The following PTPRE variants were observed in gnomAD, a reference collection of about 807,000 sequenced individuals.
PTPRE encodes protein tyrosine phosphatase receptor type E.
Under a neutral mutation model 102.0 loss-of-function variants are expected in PTPRE, and 51 were observed. That is an observed-to-expected ratio of 0.50 (90% CI 0.40 to 0.63). PTPRE has a LOEUF of 0.63. PTPRE is among the 30% of genes least tolerant of loss of function. The pLI is 0.00. For missense variants in PTPRE, 752 were observed against 915.1 expected (o/e 0.82, Z 2.30); for synonymous variants, 345 against 348.2 (o/e 0.99, Z 0.10).
At chr10:127,985,331 C>T (rs1048147353) in intron 2 of PTPRE, among the ~76,000 whole-genome samples, 4 of 152,226 alleles carry the variant, frequency 2.6e-5, no homozygotes, top group African/African-American at 9.7e-5. Flanking sequence ...GCCTGTAATC[C>T]CAGAACTTTG....
At chr10:127,977,939 C>A (rs1851309123) in intron 1 of PTPRE, among the ~76,000 whole-genome samples, 1 of 152,166 alleles carries the variant, frequency 6.6e-6, no homozygotes, top group Non-Finnish European at 1.5e-5. Flanking sequence ...ACTCACCAGC[C>A]AAAGCTCCAG....
intron 11 of PTPRE, among the ~76,000 whole-genome samples, chr10:128,067,531 T>C (rs562651317): frequency 6.6e-6 from 1 of 151,452 alleles, no homozygotes; most frequent in East Asian, 2.0e-4. Flanking sequence ...CATGCACACA[T>C]ACACATGCAT....
At chr10:127,936,221 C>T (rs1349121402) in intron 1 of PTPRE, 1 of 152,218 alleles carries the variant, frequency 6.6e-6, no homozygotes, top group Non-Finnish European at 1.5e-5. Context: ...TTCTATCTTA[C>T]ACTTTAAAAA....
At chr10:127,959,819 C>A (rs11018421) in intron 1 of PTPRE, among the ~76,000 whole-genome samples, 1 of 152,226 alleles carries the variant, frequency 6.6e-6, no homozygotes, top group Non-Finnish European at 1.5e-5. Context: ...ATATGACCCA[C>A]CTTGCAGGCT....
intron 2 of PTPRE, among the ~76,000 whole-genome samples, chr10:127,990,734 G>T (rs1852560593): frequency 6.6e-6 from 1 of 152,192 alleles, no homozygotes; most frequent in Admixed American, 6.5e-5. Context: ...TGAGAAAGCA[G>T]CACTGGCCTA....
At chr10:128,065,912 A>G (rs1850044049) in intron 10 of PTPRE, among the ~76,000 whole-genome samples, 163 bp from the exon 11 acceptor site, 1 of 152,092 alleles carries the variant, frequency 6.6e-6, no homozygotes, top group Non-Finnish European at 1.5e-5. Context: ...ACGCAGCCTC[A>G]GTTTCCCCAT....
chr10:128,011,991 T>A (rs1348011184), intron 2 of PTPRE, among the ~76,000 whole-genome samples: 2 of 152,176 alleles, frequency 1.3e-5, no homozygotes, highest in African/African-American at 4.8e-5. Flanking sequence ...ATGCCCAGGG[T>A]GACAAGATAG....
chr10:127,921,618 A>G (rs796942709), intron 1 of PTPRE, among the ~76,000 whole-genome samples: 11 of 152,340 alleles, frequency 7.2e-5, no homozygotes, highest in African/African-American at 2.6e-4. Flanking sequence ...GCTGGGGGCC[A>G]GGAGAGGCTC....
intron 2 of PTPRE, among the ~76,000 whole-genome samples, chr10:127,985,067 T>C (rs1359220223): frequency 6.6e-6 from 1 of 152,174 alleles, no homozygotes; most frequent in East Asian, 1.9e-4. Context: ...CAGTTAGAAC[T>C]AAAAAGATAG....
At chr10:127,913,907 A>T (rs185864286) in intron 1 of PTPRE, among the ~76,000 whole-genome samples, 1 of 152,138 alleles carries the variant, frequency 6.6e-6, no homozygotes, top group Non-Finnish European at 1.5e-5. Flanking sequence ...GTCATGGGGT[A>T]AAGCTTTTTA....
chr10:127,960,620 A>G (rs1206195369), intron 1 of PTPRE, among the ~76,000 whole-genome samples: 3 of 152,210 alleles, frequency 2.0e-5, no homozygotes, highest in Admixed American at 1.3e-4. Flanking sequence ...AGTTGGTCTG[A>G]GTCATCTTGG....
chr10:128,047,556 T>C, intron 4 of PTPRE, 67 bp downstream of exon 4: 1 of 1,610,358 alleles, frequency 6.2e-7, no homozygotes, highest in Non-Finnish European at 8.5e-7. Flanking sequence ...CTTCTGATGC[T>C]GTGGGCGTGG....
At chr10:128,067,372 G>GCACACATT (rs1564956547) in intron 11 of PTPRE, among the ~76,000 whole-genome samples, 1 of 111,062 alleles carries the variant, frequency 9.0e-6, no homozygotes, top group African/African-American at 3.6e-5. Context: ...GTGCACACAT[G>GCACACATT]CACACATTCA....
At position 128,008,146 on chromosome 10, in the gene PTPRE, T is replaced by A. The variant is rs140088357; in HGVS notation, c.-8+25850T>A. Reference sequence around the variant, plus strand: ...TGCAGAGTCCCCTGCCCAGGGTACATGCCCCTGGGAAAACTGCCCAAGGGA... The same window carrying A: ...TGCAGAGTCCCCTGCCCAGGGTACAAGCCCCTGGGAAAACTGCCCAAGGGA... On this transcript the variant is annotated intron_variant, in intron 2 of 20. Transcript: ENST00000254667. This position sits in a 1 kb window ranked among gnomAD's most constrained non-coding sequence, Gnocchi z 4.0. Among the ~76,000 whole-genome samples the A allele has an allele frequency of 6.6e-6, 1 of 152,136 alleles. No homozygotes were observed. Among genetic ancestry groups the A allele is most frequent in the African/African-American group, 2.4e-5 (1 of 41,434 alleles).
chr10:128,067,264 A>G (rs993053454), intron 11 of PTPRE, among the ~76,000 whole-genome samples: 2 of 151,770 alleles, frequency 1.3e-5, no homozygotes, highest in Non-Finnish European at 2.9e-5. Context: ...GCACATGCAT[A>G]CATGTGCACA....
At chr10:128,045,729 A>G (rs941236624) in intron 3 of PTPRE, among the ~76,000 whole-genome samples, 2 of 152,334 alleles carry the variant, frequency 1.3e-5, no homozygotes, top group African/African-American at 4.8e-5. Context: ...AGGCCAGCTC[A>G]CTTCCCCAGG....
At chr10:127,991,784 G>A (rs1852687556) in intron 2 of PTPRE, among the ~76,000 whole-genome samples, 1 of 152,132 alleles carries the variant, frequency 6.6e-6, no homozygotes, top group African/African-American at 2.4e-5. Context: ...CCGTCCAGCA[G>A]GGATCTGGCA....
chr10:128,067,532 A>ACACATGCATACATGTGCACACACATG (rs1850364757), intron 11 of PTPRE, among the ~76,000 whole-genome samples: 1 of 151,374 alleles, frequency 6.6e-6, no homozygotes, highest in Non-Finnish European at 1.5e-5. Context: ...ATGCACACAT[A>ACACATGCATACATGTGCACACACATG]CACATGCATA....
rs781608841 is a variant in PTPRE, at chr10:128,047,441, C to T, written c.161C>T (p.Pro54Leu). 3.1e-6 allele frequency: 5 copies of T among 1,613,364 alleles called. No homozygotes were observed. The highest frequency in any genetic ancestry group is 1.1e-5 in the South Asian group (1 of 91,066). Residue 54 changes from proline to leucine, a missense_variant, in exon 4 of 21, where the codon CCG becomes CTG. By Grantham distance (98) the Pro-to-Leu change is moderately conservative. Coordinates refer to ENST00000254667, the MANE Select transcript of PTPRE (RefSeq NM_006504.6). ...SQPLLAWLLL[P>L]LLLLLLVLLL... ...CCGCTGCTGGCCTGGCTGCTACTGC[C>T]GCTGCTGCTCCTCCTCCTCGTGCTC...
Sources: gnomAD v4.1 joint callset for allele counts (sites outside exome capture counted in the v4.1 genomes callset) on GRCh38, gnomAD v4.1.1 for gene constraint, Gnocchi (gnomAD v3.1) non-coding constraint, MANE v1.5 for transcripts, NCBI Gene and HGNC (gene_info 2026-07-23, HGNC 2026-07-21) for gene names.